RGPD4: variants seen among roughly 807,000 people sequenced by gnomAD.
RGPD4 encodes the protein RANBP2 like and GRIP domain containing 4.
Under a neutral mutation model 141.1 loss-of-function variants are expected in RGPD4, and 84 were observed. The ratio of observed to expected loss-of-function variants is 0.60; its 90% confidence interval spans 0.50 to 0.71. The LOEUF is 0.71. Ranked by LOEUF, RGPD4 falls within the 30% of genes least tolerant of loss-of-function variation. The probability of loss-of-function intolerance (pLI) is 0.00; values close to 1 mark genes in which losing one functional copy is unlikely to be tolerated. For synonymous variants in RGPD4, 298 were observed against 566.8 expected (o/e 0.53, Z 6.74); for missense variants, 918 against 1,622.4 (o/e 0.57, Z 7.46).
chr2:107,827,030 C>T lies in RGPD4; in HGVS notation c.17C>T (p.Ala6Val), dbSNP rs1426720475. The change falls in exon 1 of 23, where the codon GCC (alanine) becomes GTC (valine). Residue 6 changes from alanine to valine, a missense_variant. Physicochemically the swap from Ala to Val is moderately conservative, Grantham distance 64. Transcript: ENST00000408999. MSCSK[A>V]YGERYVASVQ... Reference sequence around the variant, plus strand: ...GGTGGCGCGATGAGTTGCAGCAAGGCCTACGGGGAGCGGTACGTCGCCTCC... The same window carrying T: ...GGTGGCGCGATGAGTTGCAGCAAGGTCTACGGGGAGCGGTACGTCGCCTCC... 1 of 1,599,844 alleles carries T rather than the reference C, an allele frequency of 6.3e-7. No homozygotes were observed. Among genetic ancestry groups the T allele is most frequent in the Non-Finnish European group, 8.5e-7 (1 of 1,174,654 alleles).
In RGPD4 at chr2:107,830,149, C is replaced by T. The variant is rs184341874; in HGVS notation, c.72+3064C>T. On this transcript the variant is annotated intron_variant, in intron 1 of 22. Transcript: ENST00000408999. ...TCACCTCCCTCGCCCCCATCCCCGC[C>T]CAGAAGACTTTGGTAGCTGCCTTTG... Among the ~76,000 whole-genome samples the T allele has an allele frequency of 2.7e-3, 414 of 151,988 alleles. 4 individuals are homozygous for T. The highest frequency in any genetic ancestry group is 9.1e-3 in the African/African-American group (378 of 41,418).
intron 8 of RGPD4, among the ~76,000 whole-genome samples, chr2:107,855,529 C>G (rs1558801507): frequency 6.6e-6 from 1 of 151,844 alleles, no homozygotes; most frequent in Non-Finnish European, 1.5e-5. Flanking sequence ...TGTCTTTGAT[C>G]TGGGCATCCC....
chr2:107,859,615 T>A, intron 11 of RGPD4, 61 bp downstream of exon 11: 1 of 1,611,608 alleles, frequency 6.2e-7, no homozygotes. Flanking sequence ...AGGGATTTAA[T>A]CCTCATGTGA....
At chr2:107,858,433 CTTTTCTTTT>C (rs1682410846) in intron 9 of RGPD4, among the ~76,000 whole-genome samples, 4 of 151,576 alleles carry the variant, frequency 2.6e-5, no homozygotes, top group Admixed American at 6.6e-5. Context: ...CTTTTCTTTT[CTTTTCTTTT>C]CTTTTCTTTT....
chr2:107,885,114 A>G (rs538369476), intron 22 of RGPD4, among the ~76,000 whole-genome samples: 2,131 of 152,212 alleles, frequency 0.014, 47 homozygotes, highest in African/African-American at 0.048. Flanking sequence ...ATAAGAATAC[A>G]TCATGTATAT....
chr2:107,877,736 T>C (rs1444741856), intron 20 of RGPD4, among the ~76,000 whole-genome samples: 1 of 151,804 alleles, frequency 6.6e-6, no homozygotes, highest in Non-Finnish European at 1.5e-5. Flanking sequence ...TAACAGTTTA[T>C]CTTAGCTAGT....
rs199721113 is a variant in RGPD4, at chr2:107,863,003, A to G, written c.2440A>G (p.Met814Val). The G allele has an allele frequency of 5.1e-6, 8 of 1,558,128 alleles. No individual in the cohort carries two copies. Among genetic ancestry groups the G allele is most frequent in the African/African-American group, 3.0e-5 (2 of 65,696 alleles). Residue 814 changes from methionine to valine, a missense_variant, in exon 17 of 23, where the codon ATG (methionine) becomes GTG (valine). Physicochemically the swap from Met to Val is conservative, Grantham distance 21. Coordinates refer to ENST00000408999, the MANE Select transcript of RGPD4 (RefSeq NM_182588.3). Reference protein sequence around the residue: ...WAEDQNSLLKMIRQEVKAIKE... With the variant: ...WAEDQNSLLKVIRQEVKAIKE... ...AGAAGATCAGAATTCTTTACTGAAAATGATTCGCCAAGAAGTAAAGGCCAT... is the reference window on the plus strand; with the variant it reads ...AGAAGATCAGAATTCTTTACTGAAAGTGATTCGCCAAGAAGTAAAGGCCAT...
chr2:107,844,823 CTTTTTTGTT>C (rs1681859972), intron 6 of RGPD4, among the ~76,000 whole-genome samples: 1 of 53,856 alleles, frequency 1.9e-5, no homozygotes, highest in Non-Finnish European at 4.1e-5. Context: ...TTCTTTCTTT[CTTTTTTGTT>C]TTTTTTTTTT....
At position 107,872,147 on chromosome 2, in the gene RGPD4, T is replaced by C. The variant is rs1425310768; in HGVS notation, c.4143T>C (p.Asp1381=). 1 of 1,611,572 alleles carries C rather than the reference T, an allele frequency of 6.2e-7. No individual in the cohort carries two copies. Among genetic ancestry groups the C allele is most frequent in the Non-Finnish European group, 8.5e-7 (1 of 1,179,850 alleles). The change falls in exon 20 of 23, where the codon GAT becomes GAC. Residue 1381 remains aspartate, a synonymous_variant. Coordinates refer to ENST00000408999, the MANE Select transcript of RGPD4 (RefSeq NM_182588.3). ...AATGGAAAGAAAGGGGCATTGGTGA[T>C]ATAAAGATTTTACAGAATTATGATA... ...VGQWKERGIG[D]IKILQNYDNK...
chr2:107,854,356 C>A (rs1682227416), intron 7 of RGPD4, among the ~76,000 whole-genome samples, 200 bp from the exon 8 acceptor site: 1 of 151,956 alleles, frequency 6.6e-6, no homozygotes, highest in Non-Finnish European at 1.5e-5. Context: ...GTGTGAGCCA[C>A]CACGCCTGTA....
chr2:107,859,770 C>G lies in RGPD4; in HGVS notation c.1683C>G (p.Asn561Lys). The G allele has an allele frequency of 6.2e-7, 1 of 1,610,802 alleles. No individual in the cohort carries two copies. The highest frequency in any genetic ancestry group is 8.5e-7 in the Non-Finnish European group (1 of 1,179,790). ...GACTTTTAGTTCAGCATGAAATAAA[C>G]ACTCTAAGAGCCCAGGAAAAACATG... ...KLRLLVQHEINTLRAQEKHGL... is the reference protein window; with the variant it reads ...KLRLLVQHEIKTLRAQEKHGL... The change falls in exon 12 of 23, where the codon AAC (asparagine) becomes AAG (lysine). Residue 561 changes from asparagine to lysine, a missense_variant. Asn to Lys is a moderately conservative substitution (Grantham distance 94). Coordinates refer to ENST00000408999, the MANE Select transcript of RGPD4 (RefSeq NM_182588.3).
At chr2:107,833,748 G>A (rs1051589575) in intron 1 of RGPD4, among the ~76,000 whole-genome samples, 3 of 151,948 alleles carry the variant, frequency 2.0e-5, no homozygotes, top group African/African-American at 7.3e-5. Flanking sequence ...ATTTTGAAAA[G>A]GGGGAACTGG....
intron 20 of RGPD4, among the ~76,000 whole-genome samples, chr2:107,873,371 G>A (rs1433623766): frequency 5.0e-5 from 6 of 120,124 alleles, no homozygotes; most frequent in East Asian, 4.1e-4. Flanking sequence ...TCAGGAGTTC[G>A]AGACCAGCCT....
chr2:107,859,665 G>A, intron 11 of RGPD4, 57 bp from the exon 12 acceptor site: 1 of 1,611,094 alleles, frequency 6.2e-7, no homozygotes, highest in Non-Finnish European at 8.5e-7. Context: ...ATATATGTAT[G>A]TAAGCGCTGA....
At chr2:107,884,392 G>T (rs148501073) in intron 22 of RGPD4, among the ~76,000 whole-genome samples, 196 of 151,988 alleles carry the variant, frequency 1.3e-3, no homozygotes, top group South Asian at 7.3e-3. Context: ...GAGACACCAC[G>T]CCCGGCCATT....
chr2:107,830,166 C>A (rs1031588312), intron 1 of RGPD4, among the ~76,000 whole-genome samples: 24 of 151,864 alleles, frequency 1.6e-4, no homozygotes, highest in African/African-American at 5.8e-4. Flanking sequence ...ACTTTGGTAG[C>A]TGCCTTTGCT....
intron 1 of RGPD4, among the ~76,000 whole-genome samples, chr2:107,834,364 G>T (rs1198052416): frequency 4.0e-5 from 6 of 149,790 alleles, no homozygotes; most frequent in African/African-American, 1.5e-4. Flanking sequence ...CGTCACCCGT[G>T]GTCCAAAAAT....
At chr2:107,854,099 G>A (rs1177117434) in intron 7 of RGPD4, among the ~76,000 whole-genome samples, 1 of 128,140 alleles carries the variant, frequency 7.8e-6, no homozygotes, top group Non-Finnish European at 1.6e-5. Context: ...CTTTCACCCA[G>A]GCCGGAGTGC....
chr2:107,883,842 G>A (rs578206080), intron 22 of RGPD4, among the ~76,000 whole-genome samples: 3 of 152,062 alleles, frequency 2.0e-5, no homozygotes, highest in African/African-American at 4.8e-5. Flanking sequence ...CACAAGGAAG[G>A]CGCTATAATC....
Sources: allele counts gnomAD v4.1 joint callset (sites outside exome capture counted in the v4.1 genomes callset), GRCh38; gene constraint gnomAD v4.1.1; transcripts MANE v1.5; gene names NCBI Gene and HGNC (gene_info 2026-07-23, HGNC 2026-07-21).